Variants in DYNLT2B observed in about 807,000 individuals in gnomAD.
The protein encoded by DYNLT2B is dynein light chain Tctex-type protein 2B.
A neutral mutation model predicts 19.5 loss-of-function variants in DYNLT2B; 14 were observed. That is an observed-to-expected ratio of 0.72 (90% confidence interval 0.47 to 1.12). DYNLT2B has a LOEUF of 1.12. Ranked by LOEUF, DYNLT2B falls within the 50% of genes most tolerant of loss-of-function variation. The pLI, the probability that DYNLT2B is intolerant of heterozygous loss-of-function variation, is 0.00. For missense variants in DYNLT2B, 133 were observed against 174.7 expected, an observed-to-expected ratio of 0.76 and a Z score of 1.35; for synonymous variants, 70 against 59.7, an observed-to-expected ratio of 1.17 and a Z score of -0.79.
intron 4 of DYNLT2B, among the ~76,000 whole-genome samples, chr3:196,291,586 C>G (rs1456650622): frequency 6.6e-6 from 1 of 152,150 alleles, no homozygotes; most frequent in African/African-American, 2.4e-5. Context: ...TCAGGCAATC[C>G]TTCTACCTCA....
intron 3 of DYNLT2B, among the ~76,000 whole-genome samples, chr3:196,302,710 T>C (rs958929509): frequency 6.6e-6 from 1 of 152,160 alleles, no homozygotes; most frequent in African/African-American, 2.4e-5. Context: ...CTGCACACGA[T>C]GATTTCCTCC....
intron 4 of DYNLT2B, among the ~76,000 whole-genome samples, 175 bp from the exon 5 acceptor site, chr3:196,291,549 G>C (rs1439210130): frequency 1.3e-5 from 2 of 152,062 alleles, no homozygotes; most frequent in East Asian, 3.9e-4. Flanking sequence ...TGTGATCTCA[G>C]CTCACTGCAG....
intron 2 of DYNLT2B, 97 bp from the exon 3 acceptor site, chr3:196,307,109 A>C: frequency 9.9e-7 from 1 of 1,010,068 alleles, no homozygotes; most frequent in Non-Finnish European, 1.5e-6. Flanking sequence ...CATTCAATCC[A>C]CAAGTACTTA....
intron 4 of DYNLT2B, among the ~76,000 whole-genome samples, chr3:196,293,646 AT>A (rs533399548): frequency 2.3e-3 from 272 of 118,880 alleles, no homozygotes; most frequent in African/African-American, 4.6e-3. Flanking sequence ...AACAAGATGC[AT>A]TTTTTTTTTT....
At chr3:196,302,173 G>A (rs995476080) in intron 3 of DYNLT2B, among the ~76,000 whole-genome samples, 18 of 152,122 alleles carry the variant, frequency 1.2e-4, no homozygotes, top group African/African-American at 3.1e-4. Context: ...AAGCATAAGA[G>A]ACATGTGGAA....
intron 3 of DYNLT2B, among the ~76,000 whole-genome samples, chr3:196,302,069 TGCACTCCA>T (rs1254925881): frequency 6.6e-6 from 1 of 152,022 alleles, no homozygotes; most frequent in African/African-American, 2.4e-5. Flanking sequence ...ATCACACCAC[TGCACTCCA>T]GCCTGGGTGA....
chr3:196,309,987 T>C (rs1726592611), intron 2 of DYNLT2B, among the ~76,000 whole-genome samples: 1 of 151,082 alleles, frequency 6.6e-6, no homozygotes, highest in Non-Finnish European at 1.5e-5. Context: ...AAAATCAACC[T>C]AGGAAGTAAT....
intron 1 of DYNLT2B, among the ~76,000 whole-genome samples, chr3:196,317,158 T>A: frequency 9.9e-6 from 1 of 101,078 alleles, no homozygotes; most frequent in African/African-American, 4.3e-5. Context: ...TTTTTCAGTG[T>A]GTGTGTGTGT....
intron 3 of DYNLT2B, 78 bp from the exon 4 acceptor site, chr3:196,296,147 G>A (rs997139655): frequency 8.3e-7 from 1 of 1,200,344 alleles, no homozygotes; most frequent in African/African-American, 1.5e-5. Flanking sequence ...GAGAAACAGT[G>A]TTCCTTAATA....
At chr3:196,304,983 A>G (rs66935510) in intron 3 of DYNLT2B, among the ~76,000 whole-genome samples, 34,003 of 152,048 alleles carry the variant, frequency 0.22, 5,389 homozygotes, top group East Asian at 0.76. Flanking sequence ...CCTGGGCTCA[A>G]GAGGTCCTCC....
chr3:196,302,818 G>A (rs1314450485), intron 3 of DYNLT2B, among the ~76,000 whole-genome samples: 2 of 151,948 alleles, frequency 1.3e-5, no homozygotes, highest in Non-Finnish European at 2.9e-5. Flanking sequence ...TCCATCTTGC[G>A]TCTAACCTCC....
chr3:196,311,871 G>A (rs1362619769), intron 2 of DYNLT2B, among the ~76,000 whole-genome samples: 3 of 151,736 alleles, frequency 2.0e-5, no homozygotes, highest in Non-Finnish European at 4.4e-5. Context: ...CAGGAGTTTG[G>A]GACTAGCAAG....
chr3:196,297,699 A>G (rs978181836), intron 3 of DYNLT2B, among the ~76,000 whole-genome samples: 3 of 152,214 alleles, frequency 2.0e-5, no homozygotes, highest in Non-Finnish European at 4.4e-5. Context: ...ATGAGGTACT[A>G]TAATTTTACC....
At chr3:196,315,952 G>C in intron 2 of DYNLT2B, 146 bp downstream of exon 2, 1 of 801,862 alleles carries the variant, frequency 1.2e-6, no homozygotes. Context: ...CAATCTTCCT[G>C]CCTTGGCATG....
intron 2 of DYNLT2B, among the ~76,000 whole-genome samples, chr3:196,307,721 T>C (rs930264960): frequency 2.0e-5 from 3 of 151,918 alleles, no homozygotes; most frequent in African/African-American, 4.8e-5. Flanking sequence ...ACCTTCAAGA[T>C]AGAGAAATAA....
intron 2 of DYNLT2B, among the ~76,000 whole-genome samples, chr3:196,314,744 C>A (rs1726731089): frequency 2.0e-5 from 3 of 151,906 alleles, no homozygotes; most frequent in Middle Eastern, 6.8e-3. Flanking sequence ...ATCGCTTGAG[C>A]CAGGAGGTCA....
chr3:196,311,243 C>T (rs917870988), intron 2 of DYNLT2B, among the ~76,000 whole-genome samples: 25 of 151,794 alleles, frequency 1.6e-4, no homozygotes, highest in Middle Eastern at 3.2e-3. Context: ...GGCAAAACCC[C>T]GTCTCTACAA....
At position 196,318,204 on chromosome 3, in the gene DYNLT2B, C is replaced by T. The variant is rs1376548268; in HGVS notation, c.-52G>A. 7 of 1,083,294 alleles carry T rather than the reference C, an allele frequency of 6.5e-6. No individual in the cohort carries two copies. Among genetic ancestry groups the T allele is most frequent in the Non-Finnish European group, 7.6e-6 (6 of 791,458 alleles). 67.1% of individuals were successfully genotyped at this position (1,083,294 alleles called of 1,614,324 possible). On this transcript the variant is annotated 5_prime_UTR_variant, in exon 1 of 5. Coordinates refer to ENST00000325318, the MANE Select transcript of DYNLT2B (RefSeq NM_152773.5). ...CTCGCGATGAAGGCCTAGCGGGTTGCGGTCGCGGCCGGCAGCAGGGAAAGC... is the reference window on the plus strand; with the variant it reads ...CTCGCGATGAAGGCCTAGCGGGTTGTGGTCGCGGCCGGCAGCAGGGAAAGC...
intron 3 of DYNLT2B, among the ~76,000 whole-genome samples, chr3:196,299,037 G>A (rs376442804): frequency 2.7e-5 from 4 of 149,306 alleles, no homozygotes; most frequent in South Asian, 2.1e-4. Context: ...TCAGCCTCCC[G>A]AGTAGCTGGG....
Sources: gnomAD v4.1 joint callset for allele counts (sites outside exome capture counted in the v4.1 genomes callset) on GRCh38, gnomAD v4.1.1 for gene constraint, MANE v1.5 for transcripts, NCBI Gene and HGNC (gene_info 2026-07-23, HGNC 2026-07-21) for gene names.